Variants in CADPS2 observed in about 807,000 individuals in gnomAD.
CADPS2 encodes the protein calcium-dependent secretion activator 2.
Under a neutral mutation model 172.5 loss-of-function variants are expected in CADPS2, and 93 were observed. The observed-to-expected ratio is 0.54, with a 90% CI of 0.46 to 0.64. The LOEUF (loss-of-function observed/expected upper bound fraction) is 0.64, where lower values mean the gene tolerates loss of function less well. CADPS2 is among the 30% of genes least tolerant of loss of function. The probability of loss-of-function intolerance (pLI) is 0.00; values close to 1 mark genes in which losing one functional copy is unlikely to be tolerated. For synonymous variants in CADPS2, 546 were observed against 555.2 expected (o/e 0.98, Z 0.23); for missense variants, 1,420 against 1,565.9 (o/e 0.91, Z 1.57).
chr7:122,325,862 T>C (rs965340631), intron 28 of CADPS2, among the ~76,000 whole-genome samples: 5 of 152,072 alleles, frequency 3.3e-5, no homozygotes. Flanking sequence ...CTTTGCAGCC[T>C]AGTGGCCTGC....
intron 2 of CADPS2, among the ~76,000 whole-genome samples, chr7:122,705,646 T>G (rs371441389): frequency 0.011 from 1,056 of 97,176 alleles, 124 homozygotes; most frequent in Middle Eastern, 0.043. Flanking sequence ...TATAATATAT[T>G]ATATAATATA....
intron 6 of CADPS2, among the ~76,000 whole-genome samples, chr7:122,602,581 G>A (rs544891195): frequency 2.9e-4 from 44 of 152,086 alleles, no homozygotes; most frequent in African/African-American, 1.0e-3. Flanking sequence ...AGAGTTCCTA[G>A]GCAGAGAAAG....
intron 14 of CADPS2, among the ~76,000 whole-genome samples, chr7:122,468,660 G>A (rs2055490800): frequency 6.6e-6 from 1 of 152,132 alleles, no homozygotes; most frequent in Admixed American, 6.6e-5. Context: ...ACAACTCTGA[G>A]TTTCAGAAAG....
intron 2 of CADPS2, among the ~76,000 whole-genome samples, chr7:122,715,384 G>T (rs944699956): frequency 6.6e-6 from 1 of 152,086 alleles, no homozygotes; most frequent in African/African-American, 2.4e-5. Flanking sequence ...CCAGAACGCA[G>T]ATGGCAAAGT....
At chr7:122,415,112 T>A (rs2047728203) in intron 18 of CADPS2, among the ~76,000 whole-genome samples, 1 of 152,222 alleles carries the variant, frequency 6.6e-6, no homozygotes, top group Non-Finnish European at 1.5e-5. Context: ...TTAGTGAATG[T>A]TAATATGTAA....
intron 9 of CADPS2, among the ~76,000 whole-genome samples, chr7:122,498,337 G>T (rs1274391614): frequency 6.6e-6 from 1 of 152,148 alleles, no homozygotes; most frequent in Non-Finnish European, 1.5e-5. Flanking sequence ...GAGTTAAAGA[G>T]TTATGGTTAA....
chr7:122,485,087 C>G (rs1487220592), intron 11 of CADPS2, among the ~76,000 whole-genome samples: 1 of 152,190 alleles, frequency 6.6e-6, no homozygotes, highest in Non-Finnish European at 1.5e-5. Flanking sequence ...TGTGTTCTGA[C>G]TGTTCCCCAT....
chr7:122,320,717 T>C (rs1400504723), intron 29 of CADPS2, among the ~76,000 whole-genome samples: 2 of 152,234 alleles, frequency 1.3e-5, no homozygotes, highest in African/African-American at 4.8e-5. Flanking sequence ...TTTCCTTTAA[T>C]ACTGAAAAAT....
chr7:122,690,624 G>A (rs1303246092), intron 2 of CADPS2, among the ~76,000 whole-genome samples: 1 of 152,188 alleles, frequency 6.6e-6, no homozygotes, highest in African/African-American at 2.4e-5. Flanking sequence ...ACTGGTTGGA[G>A]AAGGTCATCC....
intron 20 of CADPS2, among the ~76,000 whole-genome samples, chr7:122,405,489 C>A (rs987000475): frequency 6.6e-6 from 1 of 152,034 alleles, no homozygotes; most frequent in Non-Finnish European, 1.5e-5. Flanking sequence ...ATGGTGGAAC[C>A]CCGTCTCTAC....
intron 2 of CADPS2, among the ~76,000 whole-genome samples, chr7:122,692,645 C>T (rs2084538783): frequency 6.6e-6 from 1 of 152,210 alleles, no homozygotes; most frequent in African/African-American, 2.4e-5. Flanking sequence ...CCACTCACCT[C>T]ATCTGGCCAA....
At chr7:122,804,914 A>G (rs1490249489) in intron 1 of CADPS2, among the ~76,000 whole-genome samples, 1 of 152,254 alleles carries the variant, frequency 6.6e-6, no homozygotes, top group Non-Finnish European at 1.5e-5. Flanking sequence ...ACATGAAACA[A>G]TGAATAAGCT....
chr7:122,571,256 T>G (rs773912354), intron 7 of CADPS2, among the ~76,000 whole-genome samples: 4 of 152,060 alleles, frequency 2.6e-5, no homozygotes, highest in Non-Finnish European at 2.9e-5. Context: ...TCATTAGTGT[T>G]TTTGCTAAGT....
chr7:122,459,405 T>C (rs1474303777), intron 14 of CADPS2, among the ~76,000 whole-genome samples: 2 of 152,076 alleles, frequency 1.3e-5, no homozygotes, highest in Admixed American at 6.6e-5. Flanking sequence ...CTAGGTTAAA[T>C]GCACGATATT....
intron 9 of CADPS2, among the ~76,000 whole-genome samples, chr7:122,494,405 T>C (rs1320304010): frequency 6.6e-6 from 1 of 152,188 alleles, no homozygotes; most frequent in African/African-American, 2.4e-5. Flanking sequence ...GGCATGACTA[T>C]ATAGGATAAT....
intron 2 of CADPS2, among the ~76,000 whole-genome samples, chr7:122,689,610 A>G (rs1160650683): frequency 6.6e-6 from 1 of 152,194 alleles, no homozygotes; most frequent in East Asian, 1.9e-4. Context: ...AGTGGCAGGC[A>G]CATGGGGCCA....
intron 20 of CADPS2, among the ~76,000 whole-genome samples, chr7:122,394,886 T>C (rs892791251): frequency 6.6e-6 from 1 of 152,148 alleles, no homozygotes; most frequent in South Asian, 2.1e-4. Flanking sequence ...AAAAGGTTAA[T>C]ACTCAGTTGT....
intron 1 of CADPS2, among the ~76,000 whole-genome samples, chr7:122,788,307 G>A (rs946796092): frequency 9.9e-5 from 15 of 152,158 alleles, no homozygotes; most frequent in African/African-American, 4.8e-5. Flanking sequence ...TTTCATTTTT[G>A]TCTGGAGGAT....
rs55789434 is a variant in CADPS2 at position 122,762,029 on chromosome 7, TACACACAC to T, written c.340-24969_340-24962del. ...AAAAAAAAAAATATATATATATATA[TACACACAC>T]ACACACACACACACACACACGTATA... On this transcript the variant is annotated intron_variant, in intron 1 of 29. Transcript: ENST00000449022. Among the ~76,000 whole-genome samples, 1,034 of 124,248 alleles carry T rather than the reference TACACACAC, an allele frequency of 8.3e-3. 24 individuals are homozygous for T. The highest frequency in any genetic ancestry group is 0.03 in the African/African-American group (951 of 31,266). The allele number at this position is 124,248 out of a possible 152,430, so 81.5% of individuals were successfully genotyped here. A position where few individuals can be genotyped will look rare whatever the true frequency, so the allele number is the denominator to read the frequency against.
Sources: gnomAD v4.1 joint callset for allele counts (sites outside exome capture counted in the v4.1 genomes callset) on GRCh38, gnomAD v4.1.1 for gene constraint, MANE v1.5 for transcripts, NCBI Gene and HGNC (gene_info 2026-07-23, HGNC 2026-07-21) for gene names.